SIGLEC1: variants seen among roughly 807,000 people sequenced by gnomAD.
The protein encoded by SIGLEC1 is sialic acid binding Ig like lectin 1, also known as sialoadhesin.
In SIGLEC1, 132 loss-of-function variants were observed where a neutral mutation model predicts 148.0. The ratio of observed to expected loss-of-function variants is 0.89; its 90% CI spans 0.77 to 1.03. The LOEUF is 1.03. Among genes scored for constraint, SIGLEC1 ranks in the 50% least tolerant of loss-of-function variants. The probability of loss-of-function intolerance (pLI) is 0.00; values close to 1 mark genes in which losing one functional copy is unlikely to be tolerated. For synonymous variants in SIGLEC1, 945 were observed against 969.0 expected (o/e 0.98, Z 0.46); for missense variants, 2,253 against 2,271.4 (o/e 0.99, Z 0.16).
chr20:3,702,186 T>G (rs1010273632), intron 6 of SIGLEC1, among the ~76,000 whole-genome samples: 2 of 152,064 alleles, frequency 1.3e-5, no homozygotes, highest in Non-Finnish European at 2.9e-5. Context: ...AACGACCCAA[T>G]GCAATATGTG....
chr20:3,695,081 T>C (rs111524451), intron 11 of SIGLEC1, among the ~76,000 whole-genome samples, 158 bp from the exon 12 acceptor site: 1 of 152,296 alleles, frequency 6.6e-6, no homozygotes, highest in African/African-American at 2.4e-5. Context: ...CCCTATGCCT[T>C]GGCCCCTCCT....
intron 7 of SIGLEC1, 83 bp from the exon 8 acceptor site, chr20:3,699,542 C>T: frequency 1.3e-6 from 2 of 1,510,900 alleles, no homozygotes; most frequent in East Asian, 4.9e-5. Flanking sequence ...CCAGGGTTCT[C>T]CTTTCCCCAC....
At position 3,694,230 on chromosome 20, in the gene SIGLEC1, C is replaced by T. The variant is rs561236904; in HGVS notation, c.3247G>A (p.Asp1083Asn). ...LGQASASADF[D>N]AQAVNVQVWP... ...ACACACACACACTGACCTTGAGCGTCGAAGTCAGCTGAGGCCGAGGCCTGG... is the reference window on the plus strand; with the variant it reads ...ACACACACACACTGACCTTGAGCGTTGAAGTCAGCTGAGGCCGAGGCCTGG... Residue 1083 changes from aspartate (D) to asparagine (N), a missense_variant, in exon 13 of 22, where the codon GAC becomes AAC. Coordinates refer to ENST00000344754, the MANE Select transcript of SIGLEC1 (RefSeq NM_023068.4). 6 of 1,605,928 alleles carry T rather than the reference C, an allele frequency of 3.7e-6. No individual in the cohort carries two copies. In the African/African-American group the frequency reaches 4.0e-5, roughly 11 times the overall value.
intron 11 of SIGLEC1, among the ~76,000 whole-genome samples, chr20:3,696,357 G>C (rs2088822095): frequency 6.6e-6 from 1 of 152,106 alleles, no homozygotes; most frequent in African/African-American, 2.4e-5. Context: ...CTCCCACCAA[G>C]CAAGCCACTC....
rs769094661 is a variant in SIGLEC1, at chr20:3,704,060, G to C, written c.738C>G (p.Ser246Arg). The change falls in exon 5 of 22, where the codon AGC (serine) becomes AGG (arginine). Residue 246 changes from serine (S) to arginine (R), a missense_variant. Physicochemically the swap from Ser to Arg is moderately radical, Grantham distance 110. Coordinates refer to ENST00000344754, the MANE Select transcript of SIGLEC1 (RefSeq NM_023068.4). ...CTGGAAGGATGTTCCTCCCCGAGGGGCTGAGGAGGATCTTCACACCCTTGG... is the reference window on the plus strand; with the variant it reads ...CTGGAAGGATGTTCCTCCCCGAGGGCCTGAGGAGGATCTTCACACCCTTGG... The part of the protein sequence containing the change: ...YAPKGVKILL[S>R]PSGRNILPGE... 2 of 1,613,188 alleles carry C rather than the reference G, an allele frequency of 1.2e-6. No homozygotes were observed. Among genetic ancestry groups the C allele is most frequent in the African/African-American group, 1.3e-5 (1 of 74,774 alleles).
intron 1 of SIGLEC1, among the ~76,000 whole-genome samples, chr20:3,711,652 A>C (rs2087929548): frequency 6.6e-6 from 1 of 152,196 alleles, no homozygotes; most frequent in Non-Finnish European, 1.5e-5. Flanking sequence ...TGGTCAAAAT[A>C]GTGGAAATCC....
intron 14 of SIGLEC1, 98 bp from the exon 15 acceptor site, chr20:3,693,229 AC>A: frequency 7.3e-7 from 1 of 1,372,110 alleles, no homozygotes; most frequent in Non-Finnish European, 9.7e-7. Flanking sequence ...CTGGCTCCCC[AC>A]CCCTATGGCT....
chr20:3,703,171 A>G, intron 6 of SIGLEC1, 26 bp downstream of exon 6: 1 of 1,613,146 alleles, frequency 6.2e-7, no homozygotes, highest in East Asian at 2.2e-5. Context: ...GACTGTGTCC[A>G]GTGCCACCCC....
rs2088708811 is a variant in SIGLEC1 at position 3,687,275 on chromosome 20, C to T, written c.*1285G>A. ...CTCTCTCCTGTTGGTCCCTGATTCG[C>T]AGGGGCACGTCATTCCTTCTTGGTA... On this transcript the variant is annotated 3_prime_UTR_variant, in exon 22 of 22. Coordinates refer to ENST00000344754, the MANE Select transcript of SIGLEC1 (RefSeq NM_023068.4). 1 of 152,312 alleles carries T rather than the reference C, an allele frequency of 6.6e-6. No individual in the cohort carries two copies. Among genetic ancestry groups the T allele is most frequent in the Non-Finnish European group, 1.5e-5 (1 of 68,082 alleles). The allele number at this position is 152,312 out of a possible 1,614,324, so 9.4% of individuals were successfully genotyped here.
At chr20:3,691,161 C>T (rs777922147) in intron 18 of SIGLEC1, among the ~76,000 whole-genome samples, 179 bp downstream of exon 18, 5 of 152,170 alleles carry the variant, frequency 3.3e-5, no homozygotes, top group African/African-American at 9.7e-5. Context: ...CAGGATGAGG[C>T]GAATGATGTA....
chr20:3,710,751 G>C lies in SIGLEC1; in HGVS notation c.-110+1719C>G, dbSNP rs1034693924. 6.6e-6 allele frequency among the ~76,000 whole-genome samples: 1 copy of C among 152,180 alleles called. No individual in the cohort carries two copies. The highest frequency in any genetic ancestry group is 1.5e-5 in the Non-Finnish European group (1 of 68,036). On this transcript the variant is annotated intron_variant, in intron 1 of 21. Coordinates refer to ENST00000344754, the MANE Select transcript of SIGLEC1 (RefSeq NM_023068.4). This position sits in a 1 kb window ranked among gnomAD's most constrained non-coding sequence, Gnocchi z 4.6. The stretch of plus-strand genomic sequence containing the variant: ...CTGATGGAAGAATGGTGGGGTTCTG[G>C]ACACAGCGACCCTGGAACAGGGCGC...
At chr20:3,698,590 T>A (rs1341525430) in intron 8 of SIGLEC1, among the ~76,000 whole-genome samples, 3 of 152,196 alleles carry the variant, frequency 2.0e-5, no homozygotes, top group Non-Finnish European at 4.4e-5. Context: ...AGCGAATGCA[T>A]AGAATGGCCT....
In SIGLEC1 at chr20:3,705,904, G is replaced by T. The variant is rs6115995; in HGVS notation, c.546C>A (p.Arg182=). Residue 182 remains arginine (R), a synonymous_variant, in exon 4 of 22, where the codon CGC becomes CGA. Coordinates refer to ENST00000344754, the MANE Select transcript of SIGLEC1 (RefSeq NM_023068.4). ...RLQWQGQDPA[R]SVTFNSQKFE... is the part of the protein sequence containing the mutation. The stretch of plus-strand genomic sequence containing the variant: ...ACTTCTGGCTGTTGAAGGTGACAGA[G>T]CGAGCAGGGTCCTGGCCTTGCCACT... 1 of 1,614,184 alleles carries T rather than the reference G, an allele frequency of 6.2e-7. No individual in the cohort carries two copies. The highest frequency in any genetic ancestry group is 2.2e-5 in the East Asian group (1 of 44,888).
chr20:3,696,517 C>A, intron 11 of SIGLEC1, 69 bp downstream of exon 11: 1 of 1,445,920 alleles, frequency 6.9e-7, no homozygotes, highest in South Asian at 1.4e-5. Context: ...CAGCACCCAG[C>A]CCAAAGTCTG....
rs745925961 is a variant in SIGLEC1, at chr20:3,701,442, C to T, written c.1428G>A (p.Leu476=). The T allele has an allele frequency of 6.2e-7, 1 of 1,614,142 alleles. No individual in the cohort carries two copies. Among genetic ancestry groups the T allele is most frequent in the South Asian group, 1.1e-5 (1 of 91,088 alleles). Residue 476 remains leucine (L), a synonymous_variant, in exon 7 of 22, where the codon CTG becomes CTA. Transcript: ENST00000344754. ...CAGTTTCCTCCAGGTCTCGGATCTCCAGGCGCAGGGAGTTGGGACCAGAGG... is the reference window on the plus strand; with the variant it reads ...CAGTTTCCTCCAGGTCTCGGATCTCTAGGCGCAGGGAGTTGGGACCAGAGG... ...SGTSGPNSLR[L]EIRDLEETDS... is the part of the protein sequence containing the mutation.
chr20:3,708,184 A>G (rs986073790), intron 1 of SIGLEC1, among the ~76,000 whole-genome samples: 1 of 152,150 alleles, frequency 6.6e-6, no homozygotes, highest in Non-Finnish European at 1.5e-5. Context: ...GTAGCATGAG[A>G]GCGCTGTGGA....
intron 1 of SIGLEC1, among the ~76,000 whole-genome samples, chr20:3,707,888 A>G (rs1440322984): frequency 6.6e-6 from 1 of 152,192 alleles, no homozygotes; most frequent in East Asian, 1.9e-4. Flanking sequence ...ACCTTATTCA[A>G]CCTTCAAGGA....
In SIGLEC1 at chr20:3,694,322, A is replaced by G; in HGVS notation, c.3155T>C (p.Leu1052Pro). The change falls in exon 13 of 22, where the codon CTG becomes CCG. Residue 1052 changes from leucine to proline, a missense_variant. Transcript: ENST00000344754. Reference sequence around the variant, plus strand: ...CTCCAGCATAGCCCCGTGGATCTCCAGACGCAGTGTGTTGGGGGCCACAGC... The same window carrying G: ...CTCCAGCATAGCCCCGTGGATCTCCGGACGCAGTGTGTTGGGGGCCACAGC... ...HVAVAPNTLR[L>P]EIHGAMLEDE... 1 of 1,613,146 alleles carries G rather than the reference A, an allele frequency of 6.2e-7. No individual in the cohort carries two copies. The highest frequency in any genetic ancestry group is 8.5e-7 in the Non-Finnish European group (1 of 1,179,990).
At position 3,691,686 on chromosome 20, in the gene SIGLEC1, C is replaced by G. The variant is rs1433199123; in HGVS notation, c.4331-86G>C. The G allele has an allele frequency of 2.0e-6, 3 of 1,514,362 alleles. No individual in the cohort carries two copies. The African/African-American group carries it at 4.1e-5, about 21-fold the overall frequency. 93.8% of individuals were successfully genotyped at this position (1,514,362 alleles called of 1,614,324 possible). On this transcript the variant is annotated intron_variant, in intron 17 of 21. Coordinates refer to ENST00000344754, the MANE Select transcript of SIGLEC1 (RefSeq NM_023068.4). ...GGGTGGGACCTCTGAGGGGCCTCTGCACATTGTGGGAAGGTCTCAGTCTGA... is the reference window on the plus strand; with the variant it reads ...GGGTGGGACCTCTGAGGGGCCTCTGGACATTGTGGGAAGGTCTCAGTCTGA...
Sources: gnomAD v4.1 joint callset for allele counts (sites outside exome capture counted in the v4.1 genomes callset) on GRCh38, gnomAD v4.1.1 for gene constraint, Gnocchi (gnomAD v3.1) non-coding constraint, MANE v1.5 for transcripts, NCBI Gene and HGNC (gene_info 2026-07-23, HGNC 2026-07-21) for gene names.